ZFPM1: variants seen among roughly 807,000 people sequenced by gnomAD.
ZFPM1 encodes the protein zinc finger protein, FOG family member 1, also known as zinc finger protein ZFPM1.
A neutral mutation model predicts 46.3 loss-of-function variants in ZFPM1; 28 were observed. The observed-to-expected ratio is 0.60, with a 90% CI of 0.45 to 0.83. The LOEUF (loss-of-function observed/expected upper bound fraction) is 0.83, where lower values mean the gene tolerates loss of function less well. Ranked by LOEUF, ZFPM1 falls within the 40% of genes least tolerant of loss-of-function variation. The pLI, the probability that ZFPM1 is intolerant of heterozygous loss-of-function variation, is 0.00. For missense variants in ZFPM1, 1,878 were observed against 1,432.4 expected (o/e 1.31, Z -5.02); for synonymous variants, 957 against 675.9 (o/e 1.42, Z -6.45).
chr16:88,491,794 G>A (rs1909593285), intron 3 of ZFPM1, among the ~76,000 whole-genome samples: 1 of 152,236 alleles, frequency 6.6e-6, no homozygotes, highest in Non-Finnish European at 1.5e-5. Context: ...GTGATGGGCT[G>A]ATACGCGGCC....
In ZFPM1 at chr16:88,480,898, C is replaced by CA. The variant is rs1475549850; in HGVS notation, c.41-5038dup. On this transcript the variant is annotated intron_variant, in intron 1 of 9. Coordinates refer to ENST00000319555, the MANE Select transcript of ZFPM1 (RefSeq NM_153813.3). This position sits in a 1 kb window ranked among gnomAD's most constrained non-coding sequence, Gnocchi z 4.9. ...AAGGAGCCCCCCAGCGCCTCGCCAT[C>CA]AAAGCCGGGAGGGGCCACCTTAATC... is the stretch of plus-strand genomic sequence containing the variant. Among the ~76,000 whole-genome samples the CA allele has an allele frequency of 1.3e-5, 2 of 152,254 alleles. No homozygotes were observed. Among genetic ancestry groups the CA allele is most frequent in the Admixed American group, 1.3e-4 (2 of 15,286 alleles).
rs1913257483 is a variant in ZFPM1 at position 88,536,647 on chromosome 16, C to G, written c.*1668C>G. On this transcript the variant is annotated 3_prime_UTR_variant, in exon 10 of 10. Transcript: ENST00000319555. Reference sequence around the variant, plus strand: ...CGTGGGCCTGGGTCTGCAGCGCTTTCAGTGGTCTCTGATGTCTTTGTCCAC... The same window carrying G: ...CGTGGGCCTGGGTCTGCAGCGCTTTGAGTGGTCTCTGATGTCTTTGTCCAC... 2 of 152,346 alleles carry G rather than the reference C, an allele frequency of 1.3e-5. No homozygotes were observed. Among genetic ancestry groups the G allele is most frequent in the Admixed American group, 1.3e-4 (2 of 15,292 alleles). 9.4% of individuals were successfully genotyped at this position (152,346 alleles called of 1,614,324 possible).
rs1000687086 is a variant in ZFPM1, at chr16:88,497,868, G to A, written c.268+8715G>A. On this transcript the variant is annotated intron_variant, in intron 3 of 9. Transcript: ENST00000319555. The surrounding 1 kb of genome is among the most constrained non-coding windows in gnomAD (Gnocchi z 5.4). Reference sequence around the variant, plus strand: ...CTCCATCTGACTAATCTCGCCGGCGGAGCGTCTACGCAAACCTCAAGGCCT... The same window carrying A: ...CTCCATCTGACTAATCTCGCCGGCGAAGCGTCTACGCAAACCTCAAGGCCT... 3.9e-5 allele frequency among the ~76,000 whole-genome samples: 6 copies of A among 152,202 alleles called. No homozygotes were observed. Among genetic ancestry groups the A allele is most frequent in the Non-Finnish European group, 8.8e-5 (6 of 68,036 alleles).
At chr16:88,455,132 G>GGTGTGTGTGTGTGTGTGTGTGTGT (rs4047261) in intron 1 of ZFPM1, among the ~76,000 whole-genome samples, 1 of 141,674 alleles carries the variant, frequency 7.1e-6, no homozygotes, top group African/African-American at 2.7e-5. Flanking sequence ...TCGGTTCTGG[G>GGTGTGTGTGTGTGTGTGTGTGTGT]GTGTGTGTGT....
chr16:88,452,499 G>A (rs1031947508), upstream of ZFPM1, among the ~76,000 whole-genome samples: 5 of 152,232 alleles, frequency 3.3e-5, no homozygotes, highest in African/African-American at 9.6e-5. Flanking sequence ...TCGATTTCCA[G>A]CCTGGTCTGA....
At chr16:88,518,291 GGATAACCAGGTGGATGGATGGATA>G (rs1183575855) in intron 4 of ZFPM1, among the ~76,000 whole-genome samples, 2 of 152,160 alleles carry the variant, frequency 1.3e-5, no homozygotes, top group African/African-American at 4.8e-5. Context: ...ATGGATGGGA[GGATAACCAGGTGGATGGATGGATA>G]GATGTATGGG....
intron 3 of ZFPM1, among the ~76,000 whole-genome samples, chr16:88,501,575 CG>C (rs1910322190): frequency 1.7e-5 from 2 of 121,104 alleles, no homozygotes; most frequent in African/African-American, 3.1e-5. Flanking sequence ...ATGGAGATAG[CG>C]GGTGTGGGTG....
At chr16:88,460,509 G>A (rs1597226020) in intron 1 of ZFPM1, among the ~76,000 whole-genome samples, 1 of 152,332 alleles carries the variant, frequency 6.6e-6, no homozygotes, top group Non-Finnish European at 1.5e-5. Flanking sequence ...TCCTGCCCTG[G>A]TGCGAGGAAG....
At chr16:88,520,624 G>A (rs1911781994) in intron 4 of ZFPM1, among the ~76,000 whole-genome samples, 1 of 144,880 alleles carries the variant, frequency 6.9e-6, no homozygotes, top group African/African-American at 2.6e-5. Context: ...TTAGGTGGGT[G>A]GGTGGATGGT....
At chr16:88,460,983 GAGGGGCGGGAGGCCTGGTGAGGA>G (rs1567525493) in intron 1 of ZFPM1, among the ~76,000 whole-genome samples, 6 of 63,150 alleles carry the variant, frequency 9.5e-5, no homozygotes, top group African/African-American at 3.9e-4. Flanking sequence ...GGACCGAGGG[GAGGGGCGGGAGGCCTGGTGAGGA>G]CCGAGGGGTG....
Position 88,534,291 on chromosome 16 carries a change from G to A in ZFPM1, c.2333G>A (p.Gly778Asp), listed in dbSNP as rs1597293004. 2.5e-6 allele frequency: 3 copies of A among 1,213,186 alleles called. No homozygotes were observed. Among genetic ancestry groups the A allele is most frequent in the Non-Finnish European group, 3.1e-6 (3 of 976,794 alleles). The allele number at this position is 1,213,186 out of a possible 1,614,324, so 75.2% of individuals were successfully genotyped here. A position where few individuals can be genotyped will look rare whatever the true frequency, so the allele number is the denominator to read the frequency against. Residue 778 changes from glycine to aspartate, a missense_variant, in exon 10 of 10, where the codon GGC becomes GAC. Gly to Asp is a moderately conservative substitution (Grantham distance 94). Transcript: ENST00000319555. ...SPRPGSGSGS[G>D]PGLAPARSPG... The stretch of plus-strand genomic sequence containing the variant: ...CGGCCCGGAAGCGGAAGCGGAAGCG[G>A]CCCCGGCCTCGCCCCTGCGCGCTCG...
intron 6 of ZFPM1, among the ~76,000 whole-genome samples, chr16:88,528,553 C>T (rs1271634790): frequency 2.0e-5 from 3 of 152,190 alleles, no homozygotes; most frequent in African/African-American, 7.2e-5. Context: ...GCGGGGGCGG[C>T]CCTGACTGTG....
At chr16:88,501,327 A>C (rs1452054728) in intron 3 of ZFPM1, among the ~76,000 whole-genome samples, 17 of 100,822 alleles carry the variant, frequency 1.7e-4, no homozygotes, top group African/African-American at 2.1e-4. Context: ...GATAGCAGAC[A>C]TGGGTGCGGG....
chr16:88,514,661 A>G, intron 4 of ZFPM1, 141 bp downstream of exon 4: 1 of 1,201,072 alleles, frequency 8.3e-7, no homozygotes. Context: ...GACCTGGAGG[A>G]TAGGGAGGGA....
chr16:88,454,797 T>C (rs1350054702), intron 1 of ZFPM1, among the ~76,000 whole-genome samples: 3 of 152,072 alleles, frequency 2.0e-5, no homozygotes, highest in African/African-American at 7.2e-5. Flanking sequence ...GGGCAGGTCG[T>C]CTGAGCCCTG....
At chr16:88,517,238 GTGGGTGGATGGA>G (rs1911382016) in intron 4 of ZFPM1, among the ~76,000 whole-genome samples, 1 of 100,438 alleles carries the variant, frequency 1.0e-5, no homozygotes, top group East Asian at 4.5e-4. Context: ...GGGTGGGTGG[GTGGGTGGATGGA>G]TGGATGGATG....
rs142129732 is a variant in ZFPM1, at chr16:88,497,886, C to T, written c.268+8733C>T. 6.6e-6 allele frequency among the ~76,000 whole-genome samples: 1 copy of T among 152,290 alleles called. No homozygotes were observed. The highest frequency in any genetic ancestry group is 1.5e-5 in the Non-Finnish European group (1 of 68,018). ...GCCGGCGGAGCGTCTACGCAAACCTCAAGGCCTGCTATCGGGTGGAGGCTG... is the reference window on the plus strand; with the variant it reads ...GCCGGCGGAGCGTCTACGCAAACCTTAAGGCCTGCTATCGGGTGGAGGCTG... On this transcript the variant is annotated intron_variant, in intron 3 of 9. Coordinates refer to ENST00000319555, the MANE Select transcript of ZFPM1 (RefSeq NM_153813.3). This position sits in a 1 kb window ranked among gnomAD's most constrained non-coding sequence, Gnocchi z 5.4.
rs937810286 is a variant in ZFPM1, at chr16:88,532,889, G to C, written c.1143G>C (p.Glu381Asp). The C allele has an allele frequency of 6.8e-6, 11 of 1,613,348 alleles. 1 individual carries two copies. Among genetic ancestry groups the C allele is most frequent in the Admixed American group, 6.7e-5 (4 of 60,026 alleles). ...TCTGCCAGCCTGGCTCCAAGGGTGAGATCTACTCGCCAGGGGCCGGACACC... is the reference window on the plus strand; with the variant it reads ...TCTGCCAGCCTGGCTCCAAGGGTGACATCTACTCGCCAGGGGCCGGACACC... ...HMVCQPGSKG[E>D]IYSPGAGHPA... Residue 381 changes from glutamate to aspartate, a missense_variant, in exon 9 of 10, where the codon GAG becomes GAC. Coordinates refer to ENST00000319555, the MANE Select transcript of ZFPM1 (RefSeq NM_153813.3).
At chr16:88,492,637 AT>A (rs1461704476) in intron 3 of ZFPM1, among the ~76,000 whole-genome samples, 1 of 152,116 alleles carries the variant, frequency 6.6e-6, no homozygotes, top group Non-Finnish European at 1.5e-5. Context: ...GGTTAGACCC[AT>A]TTCCCAGGGA....
Sources: gnomAD v4.1 joint callset for allele counts (sites outside exome capture counted in the v4.1 genomes callset) on GRCh38, gnomAD v4.1.1 for gene constraint, Gnocchi (gnomAD v3.1) non-coding constraint, MANE v1.5 for transcripts, NCBI Gene and HGNC (gene_info 2026-07-23, HGNC 2026-07-21) for gene names.